IST1: variants seen among roughly 807,000 people sequenced by gnomAD.
IST1 encodes IST1 homolog.
IST1 carries 23 observed loss-of-function variants against 37.0 expected under a neutral mutation model. The observed-to-expected ratio is 0.62, with a 90% CI of 0.45 to 0.88. The LOEUF (loss-of-function observed/expected upper bound fraction) is 0.88. Ranked by LOEUF, IST1 falls within the 40% of genes least tolerant of loss-of-function variation. The probability of loss-of-function intolerance (pLI) is 0.00; values close to 1 mark genes in which losing one functional copy is unlikely to be tolerated. For synonymous variants in IST1, 180 were observed against 161.7 expected (o/e 1.11, Z -0.86); for missense variants, 488 against 445.4 (o/e 1.10, Z -0.86).
intron 4 of IST1, among the ~76,000 whole-genome samples, chr16:71,919,619 T>C (rs917963358): frequency 1.3e-5 from 2 of 152,218 alleles, no homozygotes; most frequent in Non-Finnish European, 1.5e-5. Flanking sequence ...CTTGAACACC[T>C]GAACTCAAGT....
chr16:71,911,729 T>C (rs2037359181), intron 1 of IST1, among the ~76,000 whole-genome samples: 1 of 150,600 alleles, frequency 6.6e-6, no homozygotes. Flanking sequence ...TTTTTTTTTT[T>C]TTTTTGAGAC....
intron 4 of IST1, 24 bp downstream of exon 4, chr16:71,917,158 T>C (rs1277747128): frequency 7.3e-7 from 1 of 1,369,070 alleles, no homozygotes; most frequent in African/African-American, 1.4e-5. Context: ...GTTTCAGTGA[T>C]GTCTGTAGCT....
intron 1 of IST1, among the ~76,000 whole-genome samples, chr16:71,909,678 G>A (rs1041829301): frequency 5.3e-5 from 8 of 152,106 alleles, no homozygotes; most frequent in South Asian, 4.1e-4. Flanking sequence ...CAGTCTGGCA[G>A]GTATAATCTT....
At chr16:71,915,557 C>G in intron 1 of IST1, 69 bp from the exon 2 acceptor site, 1 of 959,906 alleles carries the variant, frequency 1.0e-6, no homozygotes, top group Non-Finnish European at 1.6e-6. Flanking sequence ...CATAATTCAC[C>G]CCTAAGAGGT....
At chr16:71,922,027 C>T (rs936048943) in intron 6 of IST1, among the ~76,000 whole-genome samples, 1 of 152,114 alleles carries the variant, frequency 6.6e-6, no homozygotes, top group Non-Finnish European at 1.5e-5. Context: ...ATCTCAGCTA[C>T]TCGGGAGGCT....
At position 71,924,942 on chromosome 16, in the gene IST1, T is replaced by C. The variant is rs548680062; in HGVS notation, c.901+125T>C. ...ACTTCTATCTGCATGCCCTGTTCTC[T>C]TCCCAAATGCTAAAATAGAACTCAG... On this transcript the variant is annotated intron_variant, in intron 9 of 9. Coordinates refer to ENST00000378799, the MANE Select transcript of IST1 (RefSeq NM_001270975.2). 35 of 663,574 alleles carry C rather than the reference T, an allele frequency of 5.3e-5. No homozygotes were observed. The East Asian group carries it at 9.1e-4, about 17-fold the overall frequency. 41.1% of individuals were successfully genotyped at this position (663,574 alleles called of 1,614,324 possible).
At chr16:71,908,963 A>C (rs1430243534) in intron 1 of IST1, among the ~76,000 whole-genome samples, 1 of 152,194 alleles carries the variant, frequency 6.6e-6, no homozygotes, top group Non-Finnish European at 1.5e-5. Context: ...TGAAAGAGAC[A>C]CTGAACCTAG....
intron 3 of IST1, among the ~76,000 whole-genome samples, 186 bp downstream of exon 3, chr16:71,916,828 C>T (rs1224701451): frequency 6.6e-6 from 1 of 152,146 alleles, no homozygotes; most frequent in Non-Finnish European, 1.5e-5. Context: ...AATCTTGGCT[C>T]GACCATTTTC....
rs1240946798 is a variant in IST1 at position 71,929,683 on chromosome 16, G to C, written c.*1870G>C. 1.3e-6 allele frequency: 2 copies of C among 1,532,602 alleles called. No homozygotes were observed. Among genetic ancestry groups the C allele is most frequent in the Non-Finnish European group, 1.8e-6 (2 of 1,140,200 alleles). The allele number at this position is 1,532,602 out of a possible 1,614,324, so 94.9% of individuals were successfully genotyped here. A position where few individuals can be genotyped will look rare whatever the true frequency, so the allele number is the denominator to read the frequency against. On this transcript the variant is annotated 3_prime_UTR_variant, in exon 10 of 10. Coordinates refer to ENST00000378799, the MANE Select transcript of IST1 (RefSeq NM_001270975.2). Reference sequence around the variant, plus strand: ...ATCTATTAGTGCAGCTTCTTTCTGAGTATTGAAGACAAAAAGAGAAAAGTG... The same window carrying C: ...ATCTATTAGTGCAGCTTCTTTCTGACTATTGAAGACAAAAAGAGAAAAGTG...
At position 71,916,346 on chromosome 16, in the gene IST1, G is replaced by T. The variant is rs538342379; in HGVS notation, c.89-116G>T. ...GGGGATGGGATTAGATTTGCTAAAGGAGAGGAGCTAGGATATAGTAGAAAC... is the reference window on the plus strand; with the variant it reads ...GGGGATGGGATTAGATTTGCTAAAGTAGAGGAGCTAGGATATAGTAGAAAC... On this transcript the variant is annotated intron_variant, in intron 2 of 9. Transcript: ENST00000378799. 4.2e-4 allele frequency: 396 copies of T among 945,224 alleles called. 1 individual carries two copies. The highest frequency in any genetic ancestry group is 5.7e-4 in the Non-Finnish European group (356 of 623,280). 58.6% of individuals were successfully genotyped at this position (945,224 alleles called of 1,614,324 possible).
intron 8 of IST1, 60 bp downstream of exon 8, chr16:71,923,440 AAAT>A (rs2037659520): frequency 6.6e-6 from 7 of 1,063,948 alleles, no homozygotes; most frequent in South Asian, 5.2e-5. Flanking sequence ...AGAGCGAGCA[AAAT>A]AATGACCACA....
At chr16:71,907,510 C>T (rs2037252443) in intron 1 of IST1, among the ~76,000 whole-genome samples, 1 of 152,092 alleles carries the variant, frequency 6.6e-6, no homozygotes, top group African/African-American at 2.4e-5. Context: ...ATCTTTTGAC[C>T]TCGTGATCCG....
intron 4 of IST1, among the ~76,000 whole-genome samples, chr16:71,917,659 G>T (rs965777439): frequency 1.3e-5 from 2 of 152,086 alleles, no homozygotes; most frequent in South Asian, 2.1e-4. Flanking sequence ...TACAAATTCA[G>T]TTGTGTTGTT....
rs1241608524 is a variant in IST1 at position 71,898,426 on chromosome 16, G to A, written c.-16+2837G>A. On this transcript the variant is annotated intron_variant, in intron 1 of 9. Transcript: ENST00000378799. ...GTGCGGGGCACTGTGGCTCATGCCT[G>A]TAATCCCAGCACTTTGAGAGGCTGA... 2.7e-5 allele frequency among the ~76,000 whole-genome samples: 4 copies of A among 150,708 alleles called. No individual in the cohort carries two copies. In the Admixed American group the frequency reaches 2.7e-4, roughly 10 times the overall value.
chr16:71,920,988 C>A (rs751543092), intron 5 of IST1, 166 bp downstream of exon 5: 3 of 668,676 alleles, frequency 4.5e-6, no homozygotes, highest in East Asian at 2.7e-5. Flanking sequence ...CCAATCCTTA[C>A]ACCTGCCCAA....
rs1016876815 is a variant in IST1, at chr16:71,927,959, A to G, written c.*146A>G. On this transcript the variant is annotated 3_prime_UTR_variant, in exon 10 of 10. Transcript: ENST00000378799. ...CTCTGGGCTCTCTTCCTGCTCCTCC[A>G]GATTCTGCTGCTTTCCAGTTCTCTG... 3 of 635,652 alleles carry G rather than the reference A, an allele frequency of 4.7e-6. No homozygotes were observed. Among genetic ancestry groups the G allele is most frequent in the South Asian group, 1.8e-5 (1 of 54,080 alleles). The allele number at this position is 635,652 out of a possible 1,614,324, so 39.4% of individuals were successfully genotyped here.
At chr16:71,918,938 A>C (rs892624150) in intron 4 of IST1, among the ~76,000 whole-genome samples, 1 of 152,216 alleles carries the variant, frequency 6.6e-6, no homozygotes, top group Non-Finnish European at 1.5e-5. Flanking sequence ...GAACTCTCCT[A>C]CTGGGCTTCT....
chr16:71,904,853 T>G (rs1051301711), intron 1 of IST1, among the ~76,000 whole-genome samples: 2 of 152,248 alleles, frequency 1.3e-5, no homozygotes, highest in African/African-American at 4.8e-5. Context: ...TATCTGTCTT[T>G]TAATTGTGTT....
chr16:71,917,287 G>A (rs542137952), intron 4 of IST1, among the ~76,000 whole-genome samples, 153 bp downstream of exon 4: 12 of 151,378 alleles, frequency 7.9e-5, no homozygotes, highest in Non-Finnish European at 1.6e-4. Flanking sequence ...CTCCCTTTCA[G>A]CCTTATATCG....
Sources: allele counts gnomAD v4.1 joint callset (sites outside exome capture counted in the v4.1 genomes callset), GRCh38; gene constraint gnomAD v4.1.1; transcripts MANE v1.5; gene names NCBI Gene and HGNC (gene_info 2026-07-23, HGNC 2026-07-21).